Variants in PDE6C observed in about 807,000 individuals in gnomAD.
PDE6C encodes cone cGMP-specific 3',5'-cyclic phosphodiesterase subunit alpha'.
Under a neutral mutation model 113.1 loss-of-function variants are expected in PDE6C, and 75 were observed. The observed-to-expected ratio is 0.66, with a 90% CI of 0.55 to 0.80. The LOEUF (loss-of-function observed/expected upper bound fraction) is 0.80, where lower values mean the gene tolerates loss of function less well. Ranked by LOEUF, PDE6C falls within the 30% of genes least tolerant of loss-of-function variation. The pLI is 0.00. For missense variants in PDE6C, 912 were observed against 1,038.6 expected (o/e 0.88, Z 1.67); for synonymous variants, 375 against 363.7 (o/e 1.03, Z -0.35).
intron 8 of PDE6C, among the ~76,000 whole-genome samples, chr10:93,631,508 C>T (rs936752519): frequency 6.6e-6 from 1 of 152,176 alleles, no homozygotes; most frequent in Non-Finnish European, 1.5e-5. Context: ...AGGGGCTCCC[C>T]TCAACCTTCC....
chr10:93,634,351 T>C (rs1696501112), intron 8 of PDE6C, among the ~76,000 whole-genome samples: 1 of 151,994 alleles, frequency 6.6e-6, no homozygotes, highest in South Asian at 2.1e-4. Flanking sequence ...TGACAGGTGG[T>C]TGGGTGGTAG....
chr10:93,656,885 A>C (rs2058640303), intron 16 of PDE6C, among the ~76,000 whole-genome samples: 1 of 152,132 alleles, frequency 6.6e-6, no homozygotes, highest in South Asian at 2.1e-4. Context: ...TTTAATTATT[A>C]AATAGTTCAA....
At chr10:93,633,511 T>G (rs192568276) in intron 8 of PDE6C, among the ~76,000 whole-genome samples, 6 of 147,156 alleles carry the variant, frequency 4.1e-5, no homozygotes, top group Admixed American at 2.7e-4. Flanking sequence ...AAAACAAATC[T>G]GTTACACATG....
chr10:93,621,624 C>T (rs955371481), intron 3 of PDE6C, among the ~76,000 whole-genome samples: 1 of 152,212 alleles, frequency 6.6e-6, no homozygotes, highest in Non-Finnish European at 1.5e-5. Context: ...ACTGGATTCT[C>T]CGTCCAGGGA....
chr10:93,654,416 C>T (rs1415844346), intron 15 of PDE6C, among the ~76,000 whole-genome samples: 1 of 152,186 alleles, frequency 6.6e-6, no homozygotes, highest in Non-Finnish European at 1.5e-5. Context: ...TAACCTCGGG[C>T]AAGTTACTTC....
Position 93,665,383 on chromosome 10 carries a change from G to A in PDE6C, c.2542G>A (p.Asp848Asn), listed in dbSNP as rs2133881073. 1 of 1,610,626 alleles carries A rather than the reference G, an allele frequency of 6.2e-7. No individual in the cohort carries two copies. Among genetic ancestry groups the A allele is most frequent in the Non-Finnish European group, 8.5e-7 (1 of 1,176,968 alleles). Residue 848 changes from aspartate (D) to asparagine (N), a missense_variant, in exon 22 of 22, where the codon GAT becomes AAT. By Grantham distance (23) the Asp-to-Asn change is conservative (BLOSUM62 1). Coordinates refer to ENST00000371447, the MANE Select transcript of PDE6C (RefSeq NM_006204.4). ...AGCTGCTGAAGATTCAGGAGGTGGT[G>A]ATGACAAAAAGTCCAAAACATGTTT... The part of the protein sequence containing the change: ...EKAAEDSGGG[D>N]DKKSKTCLML
At chr10:93,646,155 T>C in intron 15 of PDE6C, 108 bp downstream of exon 15, 2 of 706,100 alleles carry the variant, frequency 2.8e-6, no homozygotes, top group East Asian at 5.3e-5. Flanking sequence ...CAGTTGATAG[T>C]GTATACCCTT....
At chr10:93,651,951 A>C (rs183306396) in intron 15 of PDE6C, among the ~76,000 whole-genome samples, 9 of 152,234 alleles carry the variant, frequency 5.9e-5, no homozygotes, top group Non-Finnish European at 4.4e-5. Flanking sequence ...CTAATTAAAG[A>C]ATCACTGAGT....
At chr10:93,658,830 G>A in intron 16 of PDE6C, 71 bp from the exon 17 acceptor site, 1 of 913,948 alleles carries the variant, frequency 1.1e-6, no homozygotes, top group South Asian at 1.4e-5. Context: ...AATCTGAAAA[G>A]CATGTATTTA....
At chr10:93,661,337 C>G (rs569621254) in intron 18 of PDE6C, among the ~76,000 whole-genome samples, 4 of 152,212 alleles carry the variant, frequency 2.6e-5, no homozygotes, top group Non-Finnish European at 4.4e-5. Context: ...TCTTCCCCTC[C>G]TCTTTTCCTG....
intron 14 of PDE6C, among the ~76,000 whole-genome samples, chr10:93,644,861 A>ATT: frequency 1.5e-5 from 2 of 132,386 alleles, no homozygotes; most frequent in Non-Finnish European, 1.6e-5. Context: ...TATAGTGTAT[A>ATT]TATATAGTAC....
chr10:93,621,732 C>A (rs539357476), intron 3 of PDE6C, among the ~76,000 whole-genome samples, 200 bp from the exon 4 acceptor site: 3 of 152,286 alleles, frequency 2.0e-5, no homozygotes, highest in South Asian at 4.2e-4. Flanking sequence ...AGACCCGCAG[C>A]CTTGCAAAAG....
In PDE6C at chr10:93,612,959, G is replaced by A. The variant is rs1367930972; in HGVS notation, c.234G>A (p.Gln78=). The A allele has an allele frequency of 8.7e-6, 14 of 1,613,886 alleles. No individual in the cohort carries two copies. Among genetic ancestry groups the A allele is most frequent in the Non-Finnish European group, 1.2e-5 (14 of 1,179,992 alleles). ...AGGAGGAGGGGGGCACCCCAGAGCA[G>A]GGGGTTCACAGGGCCCTGCAGAGGC... ...TVQEEGGTPE[Q]GVHRALQRLA... The change falls in exon 1 of 22, where the codon CAG becomes CAA. Residue 78 remains glutamine, a synonymous_variant. Coordinates refer to ENST00000371447, the MANE Select transcript of PDE6C (RefSeq NM_006204.4).
At chr10:93,653,898 T>C (rs2058620990) in intron 15 of PDE6C, among the ~76,000 whole-genome samples, 1 of 152,204 alleles carries the variant, frequency 6.6e-6, no homozygotes, top group African/African-American at 2.4e-5. Flanking sequence ...TATAAAAAGA[T>C]GACTTAAGGG....
chr10:93,645,495 A>G (rs1332203180), intron 14 of PDE6C, among the ~76,000 whole-genome samples: 1 of 152,134 alleles, frequency 6.6e-6, no homozygotes, highest in Non-Finnish European at 1.5e-5. Flanking sequence ...TGGGGCCCCT[A>G]CTTATATAAA....
At chr10:93,655,722 T>C in intron 15 of PDE6C, 38 bp from the exon 16 acceptor site, 1 of 1,033,330 alleles carries the variant, frequency 9.7e-7, no homozygotes, top group Non-Finnish European at 1.5e-6. Context: ...CAGAGGCAAA[T>C]TATTGATAGC....
At chr10:93,648,880 T>C (rs2058596368) in intron 15 of PDE6C, among the ~76,000 whole-genome samples, 1 of 152,248 alleles carries the variant, frequency 6.6e-6, no homozygotes, top group Non-Finnish European at 1.5e-5. Flanking sequence ...TGCTTTTTCA[T>C]ATCAACCGCA....
intron 10 of PDE6C, 124 bp from the exon 11 acceptor site, chr10:93,636,871 G>A (rs569589556): frequency 1.5e-6 from 1 of 680,180 alleles, no homozygotes; most frequent in South Asian, 1.6e-5. Flanking sequence ...GGGCTCCAGG[G>A]ATCTTCCCGC....
At chr10:93,647,688 A>G (rs1204166967) in intron 15 of PDE6C, among the ~76,000 whole-genome samples, 1 of 152,204 alleles carries the variant, frequency 6.6e-6, no homozygotes, top group Non-Finnish European at 1.5e-5. Context: ...GTTAAGGCAC[A>G]GATCCTGGGC....
Sources: allele counts gnomAD v4.1 joint callset (sites outside exome capture counted in the v4.1 genomes callset), GRCh38; gene constraint gnomAD v4.1.1; transcripts MANE v1.5; gene names NCBI Gene and HGNC (gene_info 2026-07-23, HGNC 2026-07-21).